The following GABPB1 variants were observed in gnomAD, a reference collection of about 807,000 sequenced individuals.
GABPB1 encodes the protein GA-binding protein subunit beta-1.
Under a neutral mutation model 45.9 loss-of-function variants are expected in GABPB1, and 15 were observed. That is an observed-to-expected ratio of 0.33 (90% CI 0.22 to 0.50). The LOEUF (loss-of-function observed/expected upper bound fraction) is 0.50, where lower values mean the gene tolerates loss of function less well. Among genes scored for constraint, GABPB1 ranks in the 20% least tolerant of loss-of-function variants. The pLI, the probability that GABPB1 is intolerant of heterozygous loss-of-function variation, is 0.98. For synonymous variants in GABPB1, 143 were observed against 154.4 expected (o/e 0.93, Z 0.55); for missense variants, 252 against 457.5 (o/e 0.55, Z 4.10).
At chr15:50,282,296 T>C (rs1420390128) in intron 8 of GABPB1, 7 of 455,464 alleles carry the variant, frequency 1.5e-5, no homozygotes, top group Non-Finnish European at 1.8e-5. Flanking sequence ...TGGTGACTTA[T>C]GCCAGTAATC....
intron 1 of GABPB1, among the ~76,000 whole-genome samples, chr15:50,315,438 A>AT (rs2047288161): frequency 6.6e-6 from 1 of 152,140 alleles, no homozygotes; most frequent in Non-Finnish European, 1.5e-5. Context: ...AGCAACTATG[A>AT]TTTTCATTTA....
chr15:50,325,683 C>A, intron 1 of GABPB1, among the ~76,000 whole-genome samples: 1 of 151,944 alleles, frequency 6.6e-6, no homozygotes, highest in Non-Finnish European at 1.5e-5. Context: ...AGGTGCACAC[C>A]AGCACGCCCA....
chr15:50,286,189 A>G lies in GABPB1; in HGVS notation c.884-6T>C. 6.6e-7 allele frequency: 1 copy of G among 1,511,412 alleles called. No homozygotes were observed. The highest frequency in any genetic ancestry group is 8.9e-7 in the Non-Finnish European group (1 of 1,121,216). 93.6% of individuals were successfully genotyped at this position (1,511,412 alleles called of 1,614,324 possible). ...TGTTGCTGGTACTGTTAATACTAAA[A>G]TGAAAAAAAAATTATGTATTACTTC... On this transcript the variant is annotated splice_polypyrimidine_tract_variant and splice_region_variant and intron_variant, in intron 7 of 8. Transcript: ENST00000380877.
At chr15:50,344,312 T>C (rs1444344605) in intron 1 of GABPB1, among the ~76,000 whole-genome samples, 2 of 152,212 alleles carry the variant, frequency 1.3e-5, no homozygotes, top group African/African-American at 4.8e-5. Flanking sequence ...TTTGAGCAAA[T>C]GGTGACCCTT....
At chr15:50,320,894 A>G (rs1159912063) in intron 1 of GABPB1, among the ~76,000 whole-genome samples, 1 of 152,294 alleles carries the variant, frequency 6.6e-6, no homozygotes, top group East Asian at 1.9e-4. Context: ...CTTCTTTAGA[A>G]GCTAGAAAAG....
intron 1 of GABPB1, among the ~76,000 whole-genome samples, chr15:50,332,306 A>G (rs1195486684): frequency 6.6e-6 from 1 of 152,106 alleles, no homozygotes; most frequent in East Asian, 1.9e-4. Flanking sequence ...TTGGTTTTCT[A>G]GAAATTATAC....
intron 6 of GABPB1, among the ~76,000 whole-genome samples, chr15:50,290,376 A>C (rs541574411): frequency 6.6e-6 from 1 of 152,274 alleles, no homozygotes; most frequent in East Asian, 1.9e-4. Context: ...GGATCACTTG[A>C]GGTCAGGAGT....
chr15:50,349,468 G>A (rs967531837), intron 1 of GABPB1: 1 of 152,086 alleles, frequency 6.6e-6, no homozygotes, highest in Non-Finnish European at 1.5e-5. Context: ...TTACAAAGAA[G>A]GAAACTGAGC....
chr15:50,327,830 T>C (rs1212541574), intron 1 of GABPB1, among the ~76,000 whole-genome samples: 21 of 150,674 alleles, frequency 1.4e-4, no homozygotes, highest in African/African-American at 4.9e-4. Context: ...ACCCGGGAGG[T>C]GGAGGTTGCA....
chr15:50,332,425 T>C (rs1414104937), intron 1 of GABPB1, among the ~76,000 whole-genome samples: 4 of 152,204 alleles, frequency 2.6e-5, no homozygotes, highest in Non-Finnish European at 5.9e-5. Flanking sequence ...TAGACCCTGT[T>C]TGGATTCCAG....
chr15:50,299,369 A>G (rs994374396), intron 6 of GABPB1, among the ~76,000 whole-genome samples: 1 of 152,244 alleles, frequency 6.6e-6, no homozygotes, highest in Non-Finnish European at 1.5e-5. Context: ...ATGTTCATGA[A>G]TACTGTTTGT....
rs150986191 is a variant in GABPB1, at chr15:50,283,068, T to G, written c.999+3000A>C. Among the ~76,000 whole-genome samples the G allele has an allele frequency of 6.4e-4, 98 of 152,068 alleles. 1 individual carries two copies. Among genetic ancestry groups the G allele is most frequent in the African/African-American group, 2.3e-3 (94 of 41,484 alleles). On this transcript the variant is annotated intron_variant, in intron 8 of 8. Coordinates refer to ENST00000380877, the MANE Select transcript of GABPB1 (RefSeq NM_016654.5). Reference sequence around the variant, plus strand: ...TCTATCTAAAAAAATAAAATAAAATTTACTAATAAACATTTATCTCTAACC... The same window carrying G: ...TCTATCTAAAAAAATAAAATAAAATGTACTAATAAACATTTATCTCTAACC...
chr15:50,341,727 C>A (rs2048382121), intron 1 of GABPB1, among the ~76,000 whole-genome samples: 3 of 152,014 alleles, frequency 2.0e-5, no homozygotes, highest in African/African-American at 7.3e-5. Flanking sequence ...TACAACATAG[C>A]CCACAAATGT....
chr15:50,282,781 G>A (rs535298055), intron 8 of GABPB1, among the ~76,000 whole-genome samples: 15 of 152,248 alleles, frequency 9.9e-5, no homozygotes, highest in South Asian at 6.2e-4. Context: ...ACAGCCGTGC[G>A]CAGTGGCTCA....
chr15:50,337,777 G>GA (rs201678315), intron 1 of GABPB1, among the ~76,000 whole-genome samples: 2 of 149,212 alleles, frequency 1.3e-5, no homozygotes, highest in African/African-American at 2.5e-5. Context: ...AACTGAAAAA[G>GA]AAAAAAAAAG....
At chr15:50,307,870 T>C (rs535465961) in intron 2 of GABPB1, among the ~76,000 whole-genome samples, 76 of 152,312 alleles carry the variant, frequency 5.0e-4, no homozygotes, top group African/African-American at 1.7e-3. Flanking sequence ...ATTACCTCTT[T>C]GAATTATTTC....
intron 1 of GABPB1, among the ~76,000 whole-genome samples, chr15:50,321,359 A>T (rs2047563153): frequency 6.6e-6 from 1 of 152,204 alleles, no homozygotes; most frequent in African/African-American, 2.4e-5. Flanking sequence ...TCAGAGCTAG[A>T]TCTTCCAAAA....
chr15:50,346,586 A>ATT (rs2048588557), intron 1 of GABPB1, among the ~76,000 whole-genome samples: 11 of 109,336 alleles, frequency 1.0e-4, no homozygotes, highest in Non-Finnish European at 1.7e-4. Context: ...AACAACAGAA[A>ATT]GTTTTTTTTT....
Position 50,302,937 on chromosome 15 carries a change from T to C in GABPB1, c.463A>G (p.Ile155Val). 2 of 1,609,484 alleles carry C rather than the reference T, an allele frequency of 1.2e-6. No homozygotes were observed. The highest frequency in any genetic ancestry group is 1.7e-6 in the Non-Finnish European group (2 of 1,177,244). The change falls in exon 4 of 9, where the codon ATA becomes GTA. Residue 155 changes from isoleucine (I) to valine (V), a missense_variant. Coordinates refer to ENST00000380877, the MANE Select transcript of GABPB1 (RefSeq NM_016654.5). ...IDNGNEDLAEILQIAMQNQIN... is the reference protein window; with the variant it reads ...IDNGNEDLAEVLQIAMQNQIN... ...TAAAAGCCAAAAGTTACCTGTAATA[T>C]CTCTGCTAAATCTTCATTTCCATTG...
Sources: allele counts gnomAD v4.1 joint callset (sites outside exome capture counted in the v4.1 genomes callset), GRCh38; gene constraint gnomAD v4.1.1; transcripts MANE v1.5; gene names NCBI Gene and HGNC (gene_info 2026-07-23, HGNC 2026-07-21).